GOSR2: variants seen among roughly 807,000 people sequenced by gnomAD.
The protein encoded by GOSR2 is 27 kDa Golgi SNARE protein.
In GOSR2, 20 loss-of-function variants were observed where a neutral mutation model predicts 27.9. That is an observed-to-expected ratio of 0.72 (90% CI 0.50 to 1.04). The LOEUF is 1.04. GOSR2 is among the 50% of genes least tolerant of loss of function. The pLI is 0.00. For synonymous variants in GOSR2, 91 were observed against 98.8 expected (o/e 0.92, Z 0.47); for missense variants, 261 against 270.5 (o/e 0.97, Z 0.25).
At chr17:46,959,897 G>C (rs755678533) in intron 6 of GOSR2, among the ~76,000 whole-genome samples, 16 of 152,202 alleles carry the variant, frequency 1.1e-4, no homozygotes, top group Non-Finnish European at 1.5e-4. Context: ...ATTCATGAGA[G>C]AGCTCCTCTA....
chr17:46,959,594 A>G (rs1295004173), intron 6 of GOSR2, among the ~76,000 whole-genome samples: 2 of 152,222 alleles, frequency 1.3e-5, no homozygotes, highest in East Asian at 3.8e-4. Context: ...ATGTTTAGCC[A>G]TGTGATTTTT....
At chr17:46,936,425 C>T in intron 5 of GOSR2, 1 of 985,392 alleles carries the variant, frequency 1.0e-6, no homozygotes, top group East Asian at 1.1e-4. Context: ...GAGGGGAAGG[C>T]TGTGAGGTGG....
chr17:46,936,383 C>CA, intron 5 of GOSR2: 1 of 985,366 alleles, frequency 1.0e-6, no homozygotes, highest in Non-Finnish European at 1.2e-6. Context: ...GCTGGGGCAT[C>CA]AGCACACCTC....
Position 46,932,210 on chromosome 17 carries a change from C to T in GOSR2, c.336+11C>T. On this transcript the variant is annotated intron_variant, in intron 4 of 5. Transcript: ENST00000640051. The stretch of plus-strand genomic sequence containing the variant: ...ACCTTCACCACTAACGTAAGCCAGG[C>T]CCGTGGTGAGGGTCGGCCTGCACTT... The T allele has an allele frequency of 6.2e-7, 1 of 1,613,884 alleles. No individual in the cohort carries two copies. Among genetic ancestry groups the T allele is most frequent in the Non-Finnish European group, 8.5e-7 (1 of 1,179,976 alleles).
At chr17:46,966,439 C>A in intron 6 of GOSR2, 1 of 602,268 alleles carries the variant, frequency 1.7e-6, no homozygotes, top group East Asian at 3.0e-5. Context: ...CCTTGACCTG[C>A]TGGGCTTAAG....
intron 2 of GOSR2, chr17:46,930,047 A>ATTTTTTTTTTTTTTTTTC (rs35194907): frequency 8.1e-6 from 1 of 124,048 alleles, no homozygotes; most frequent in Non-Finnish European, 1.7e-5. Context: ...GTTTTTTTTC[A>ATTTTTTTTTTTTTTTTTC]TTTTTTTTTT....
chr17:46,956,024 C>T (rs1188415415), intron 6 of GOSR2, among the ~76,000 whole-genome samples: 1 of 152,166 alleles, frequency 6.6e-6, no homozygotes. Flanking sequence ...CCCCATGGAG[C>T]CTCCTTGGCA....
At chr17:46,957,605 T>G (rs942566592) in intron 6 of GOSR2, among the ~76,000 whole-genome samples, 11 of 144,306 alleles carry the variant, frequency 7.6e-5, no homozygotes, top group African/African-American at 2.5e-4. Context: ...AGAGTGAGAC[T>G]TGGTCTCAAA....
intron 1 of GOSR2, among the ~76,000 whole-genome samples, chr17:46,929,024 A>G (rs1413841608): frequency 6.6e-6 from 1 of 151,894 alleles, no homozygotes; most frequent in Non-Finnish European, 1.5e-5. Flanking sequence ...GGGCTTGTTC[A>G]TGTCTGTTTA....
At chr17:46,953,995 C>T (rs554413188) in intron 6 of GOSR2, among the ~76,000 whole-genome samples, 53 of 152,276 alleles carry the variant, frequency 3.5e-4, no homozygotes, top group African/African-American at 1.2e-3. Context: ...TGCCTGTTCA[C>T]GCTGATGGTA....
At chr17:46,972,951 A>C (rs551370983) in intron 6 of GOSR2, 1 of 153,946 alleles carries the variant, frequency 6.5e-6, no homozygotes, top group South Asian at 2.0e-4. Flanking sequence ...CGTCAAGTTT[A>C]TTAGGAGTGT....
chr17:46,928,471 G>A (rs987415653), intron 1 of GOSR2, among the ~76,000 whole-genome samples: 10 of 152,140 alleles, frequency 6.6e-5, no homozygotes, highest in Non-Finnish European at 1.3e-4. Flanking sequence ...ACCGGGAAGT[G>A]GATGGTGGGG....
chr17:46,946,444 A>C (rs1000489720), downstream of GOSR2, among the ~76,000 whole-genome samples: 2 of 144,084 alleles, frequency 1.4e-5, no homozygotes, highest in Non-Finnish European at 3.1e-5. Context: ...CTAGGCAAGA[A>C]GAGCAAAACT....
chr17:46,941,688 C>A lies in GOSR2; in HGVS notation c.*2928C>A. 6.3e-6 allele frequency: 1 copy of A among 159,732 alleles called. No homozygotes were observed. The highest frequency in any genetic ancestry group is 1.3e-5 in the Non-Finnish European group (1 of 74,894). The allele number at this position is 159,732 out of a possible 1,614,324, so 9.9% of individuals were successfully genotyped here. A position where few individuals can be genotyped will look rare whatever the true frequency, so the allele number is the denominator to read the frequency against. On this transcript the variant is annotated 3_prime_UTR_variant, in exon 6 of 6. Transcript: ENST00000640051. ...TCCTGGGTTCAGGTGATCCTCATAC[C>A]TCAGCCTCCTGAGTAGCTGGAACTA...
chr17:46,930,037 G>GTT (rs71365014), intron 2 of GOSR2: 73 of 144,692 alleles, frequency 5.0e-4, no homozygotes, highest in East Asian at 1.8e-3. Context: ...CTGGTTTTTT[G>GTT]TTTTTTTTCA....
intron 6 of GOSR2, among the ~76,000 whole-genome samples, chr17:46,956,002 A>C (rs796757277): frequency 1.3e-5 from 2 of 152,284 alleles, no homozygotes; most frequent in African/African-American, 4.8e-5. Context: ...GGGAATGGAA[A>C]ATCTTTCCAT....
chr17:46,952,159 T>C (rs1216867919), intron 6 of GOSR2, among the ~76,000 whole-genome samples: 1 of 152,184 alleles, frequency 6.6e-6, no homozygotes, highest in African/African-American at 2.4e-5. Context: ...CAGCATCTCG[T>C]CTTTGGACTA....
intron 1 of GOSR2, chr17:46,923,892 C>G (rs1191680311): frequency 2.5e-6 from 1 of 398,270 alleles, no homozygotes; most frequent in East Asian, 3.6e-5. Context: ...GCCATACTTA[C>G]CCTATTTTTG....
chr17:46,943,604 C>G (rs940731514), downstream of GOSR2, among the ~76,000 whole-genome samples: 3 of 152,230 alleles, frequency 2.0e-5, no homozygotes, highest in African/African-American at 7.2e-5. Context: ...TTGTGCATCC[C>G]GGGCACGTAG....
Sources: gnomAD v4.1 joint callset for allele counts (sites outside exome capture counted in the v4.1 genomes callset) on GRCh38, gnomAD v4.1.1 for gene constraint, MANE v1.5 for transcripts, NCBI Gene and HGNC (gene_info 2026-07-23, HGNC 2026-07-21) for gene names.